ABTB3: variants seen among roughly 807,000 people sequenced by gnomAD.
The protein encoded by ABTB3 is ankyrin repeat and BTB domain containing 3, also known as ankyrin repeat- and BTB/POZ domain-containing protein 3.
the ABTB3 span, among the ~76,000 whole-genome samples, chr12:107,384,539 A>G: frequency 3.7e-4 from 57 of 152,286 alleles, no homozygotes; most frequent in African/African-American, 1.3e-3. Context: ...AAGGAAACTT[A>G]TTGGGGATTG....
At chr12:107,401,690 A>G in the ABTB3 span, among the ~76,000 whole-genome samples, 2 of 152,244 alleles carry the variant, frequency 1.3e-5, no homozygotes, top group Non-Finnish European at 1.5e-5. Context: ...TGGCATTTTG[A>G]CATAACACAA....
At chr12:107,638,363 C>T in the ABTB3 span, among the ~76,000 whole-genome samples, 1 of 152,080 alleles carries the variant, frequency 6.6e-6, no homozygotes, top group African/African-American at 2.4e-5. Flanking sequence ...AGACCAGGGC[C>T]CCAAGGTGCA....
At chr12:107,407,025 T>C in the ABTB3 span, among the ~76,000 whole-genome samples, 1 of 152,074 alleles carries the variant, frequency 6.6e-6, no homozygotes, top group Non-Finnish European at 1.5e-5. Context: ...TTTCCCTTCC[T>C]ATTTCCTCAT....
the ABTB3 span, among the ~76,000 whole-genome samples, chr12:107,526,876 C>T: frequency 5.9e-5 from 9 of 152,122 alleles, no homozygotes; most frequent in Admixed American, 3.3e-4. Flanking sequence ...TGTAAGTGGG[C>T]TCTTTTCTGA....
chr12:107,476,246 G>A, the ABTB3 span, among the ~76,000 whole-genome samples: 3 of 152,126 alleles, frequency 2.0e-5, no homozygotes, highest in Admixed American at 6.5e-5. Flanking sequence ...AGATGAGCTG[G>A]GAGCTACCAA....
the ABTB3 span, among the ~76,000 whole-genome samples, chr12:107,608,184 C>A: frequency 7.2e-5 from 11 of 152,182 alleles, no homozygotes; most frequent in African/African-American, 2.7e-4. Context: ...AGTCCACGCC[C>A]TCTGCTCCAT....
At chr12:107,574,266 T>C in the ABTB3 span, among the ~76,000 whole-genome samples, 1 of 152,192 alleles carries the variant, frequency 6.6e-6, no homozygotes, top group Non-Finnish European at 1.5e-5. Flanking sequence ...TCTATTCCAT[T>C]GTCTCCTGGA....
At chr12:107,491,943 A>C in the ABTB3 span, among the ~76,000 whole-genome samples, 2 of 151,956 alleles carry the variant, frequency 1.3e-5, no homozygotes, top group Admixed American at 1.3e-4. Context: ...GTAGAGAAAG[A>C]GGTTTAGTCA....
At chr12:107,610,054 C>G in the ABTB3 span, 3 of 1,001,496 alleles carry the variant, frequency 3.0e-6, no homozygotes, top group South Asian at 1.5e-5. Flanking sequence ...CGGAGGCCAT[C>G]ATTTTAATTG....
At chr12:107,640,523 T>A in the ABTB3 span, 5 of 632,670 alleles carry the variant, frequency 7.9e-6, no homozygotes, top group Admixed American at 6.2e-5. Context: ...CTGGTCATCT[T>A]CACAAAATCA....
At chr12:107,471,581 C>T in the ABTB3 span, among the ~76,000 whole-genome samples, 37 of 152,298 alleles carry the variant, frequency 2.4e-4, no homozygotes, top group African/African-American at 8.2e-4. Flanking sequence ...CTTAGAGTAG[C>T]AGTACTTTGA....
At chr12:107,647,551 T>A in the ABTB3 span, among the ~76,000 whole-genome samples, 1 of 152,182 alleles carries the variant, frequency 6.6e-6, no homozygotes, top group African/African-American at 2.4e-5. Flanking sequence ...TAAACAGTAT[T>A]TTTAAAATAA....
the ABTB3 span, among the ~76,000 whole-genome samples, chr12:107,615,710 A>G: frequency 6.6e-6 from 1 of 152,340 alleles, no homozygotes; most frequent in Admixed American, 6.5e-5. Context: ...AAGCACAGTG[A>G]CATGTCCTCA....
At chr12:107,404,495 T>A in the ABTB3 span, among the ~76,000 whole-genome samples, 2 of 152,160 alleles carry the variant, frequency 1.3e-5, no homozygotes, top group Non-Finnish European at 2.9e-5. Flanking sequence ...TCCTTGGCAC[T>A]GCAGCCTGTC....
At chr12:107,590,206 G>A in the ABTB3 span, among the ~76,000 whole-genome samples, 7 of 152,290 alleles carry the variant, frequency 4.6e-5, no homozygotes, top group Non-Finnish European at 7.4e-5. Flanking sequence ...GAGCCACTGC[G>A]CCCAGCCTCC....
chr12:107,558,012 G>C, the ABTB3 span, among the ~76,000 whole-genome samples: 1 of 152,244 alleles, frequency 6.6e-6, no homozygotes, highest in Non-Finnish European at 1.5e-5. Context: ...CTGGGAATGG[G>C]ACAGATCAGG....
At chr12:107,439,521 G>T in the ABTB3 span, among the ~76,000 whole-genome samples, 1 of 152,130 alleles carries the variant, frequency 6.6e-6, no homozygotes, top group Non-Finnish European at 1.5e-5. Flanking sequence ...GAACCACACA[G>T]GTAGGGCTGA....
At chr12:107,575,206 G>C in the ABTB3 span, among the ~76,000 whole-genome samples, 448 of 152,286 alleles carry the variant, frequency 2.9e-3, 5 homozygotes, top group African/African-American at 0.01. Flanking sequence ...CAAAGGGAAG[G>C]CTATAGCATC....
chr12:107,573,337 G>T, the ABTB3 span, among the ~76,000 whole-genome samples: 1 of 152,196 alleles, frequency 6.6e-6, no homozygotes, highest in Non-Finnish European at 1.5e-5. Flanking sequence ...TGTCAGTCAG[G>T]TTTCTCCAGA....
Sources: allele counts gnomAD v4.1 joint callset (sites outside exome capture counted in the v4.1 genomes callset), GRCh38; gene constraint gnomAD v4.1.1; transcripts MANE v1.5; gene names NCBI Gene and HGNC (gene_info 2026-07-23, HGNC 2026-07-21).